The following DPYD variants were observed in gnomAD, a reference collection of about 807,000 sequenced individuals.
The protein encoded by DPYD is dihydropyrimidine dehydrogenase [NADP(+)].
Under a neutral mutation model 116.2 loss-of-function variants are expected in DPYD, and 109 were observed. The ratio of observed to expected loss-of-function variants is 0.94; its 90% CI spans 0.80 to 1.10. DPYD has a LOEUF of 1.10. DPYD is among the 50% of genes least tolerant of loss of function. The pLI, the probability that DPYD is intolerant of heterozygous loss-of-function variation, is 0.00. For missense variants in DPYD, 1,302 were observed against 1,254.5 expected, an observed-to-expected ratio of 1.04 and a Z score of -0.57; for synonymous variants, 440 against 432.0, an observed-to-expected ratio of 1.02 and a Z score of -0.23.
chr1:97,769,309 T>C (rs184008617), intron 3 of DPYD, among the ~76,000 whole-genome samples: 2 of 152,238 alleles, frequency 1.3e-5, no homozygotes, highest in African/African-American at 4.8e-5. Context: ...GGAAAAGTAA[T>C]AGTCAACAAG....
At chr1:97,822,094 T>C (rs933058554) in intron 3 of DPYD, among the ~76,000 whole-genome samples, 1 of 151,568 alleles carries the variant, frequency 6.6e-6, no homozygotes, top group East Asian at 1.9e-4. Flanking sequence ...AAATATAGAA[T>C]GGAAAAGCAT....
At chr1:97,286,799 G>A (rs548470327) in intron 18 of DPYD, among the ~76,000 whole-genome samples, 1 of 152,228 alleles carries the variant, frequency 6.6e-6, no homozygotes, top group South Asian at 2.1e-4. Flanking sequence ...CTCTGTATTG[G>A]TTATTCTAGT....
chr1:97,096,657 C>T (rs1291290958), intron 21 of DPYD, among the ~76,000 whole-genome samples: 1 of 152,184 alleles, frequency 6.6e-6, no homozygotes, highest in Admixed American at 6.5e-5. Context: ...CAAATCAGTG[C>T]TCTGTAAAAC....
At chr1:97,112,271 A>G (rs1189248104) in intron 20 of DPYD, among the ~76,000 whole-genome samples, 2 of 152,162 alleles carry the variant, frequency 1.3e-5, no homozygotes, top group East Asian at 1.9e-4. Flanking sequence ...AGGGAAGTCA[A>G]TGGATTAAGC....
intron 16 of DPYD, among the ~76,000 whole-genome samples, chr1:97,337,712 A>G (rs932461317): frequency 6.6e-6 from 1 of 151,902 alleles, no homozygotes; most frequent in Non-Finnish European, 1.5e-5. Context: ...AATGAAAGCA[A>G]TACAGATCTG....
At chr1:97,416,040 G>T (rs1674272299) in intron 14 of DPYD, among the ~76,000 whole-genome samples, 1 of 152,096 alleles carries the variant, frequency 6.6e-6, no homozygotes, top group African/African-American at 2.4e-5. Context: ...TAAAAAAGAT[G>T]AAGGAGATGA....
At chr1:97,546,999 T>G in intron 12 of DPYD, 2 of 1,562,506 alleles carry the variant, frequency 1.3e-6, no homozygotes, top group African/African-American at 2.7e-5. Flanking sequence ...TTTGCACATA[T>G]TTGCAATTTT....
chr1:97,176,138 T>C (rs67908389), intron 20 of DPYD, among the ~76,000 whole-genome samples: 4,288 of 152,250 alleles, frequency 0.028, 169 homozygotes, highest in African/African-American at 0.091. Context: ...ACTAGAAGAA[T>C]TTAATTAACC....
chr1:97,451,479 G>T (rs1175899445), intron 13 of DPYD, among the ~76,000 whole-genome samples: 1 of 152,064 alleles, frequency 6.6e-6, no homozygotes, highest in Non-Finnish European at 1.5e-5. Context: ...CCTTAAATAT[G>T]TACATTTTAA....
chr1:97,641,818 T>A (rs1043523084), intron 8 of DPYD, among the ~76,000 whole-genome samples: 3 of 152,178 alleles, frequency 2.0e-5, no homozygotes, highest in African/African-American at 7.2e-5. Context: ...TTGTCCCTGT[T>A]TGCAGATGAC....
chr1:97,599,349 G>A (rs1239421305), intron 8 of DPYD, among the ~76,000 whole-genome samples: 1 of 151,800 alleles, frequency 6.6e-6, no homozygotes, highest in Non-Finnish European at 1.5e-5. Context: ...CTCACATAAA[G>A]TTTTGCACAA....
chr1:97,579,012 C>T (rs1030073324), intron 10 of DPYD, among the ~76,000 whole-genome samples: 8 of 152,150 alleles, frequency 5.3e-5, no homozygotes, highest in African/African-American at 1.7e-4. Flanking sequence ...ATAGTAAACT[C>T]GTTCTCAACA....
intron 20 of DPYD, among the ~76,000 whole-genome samples, chr1:97,167,306 T>C (rs1206675703): frequency 6.6e-6 from 1 of 152,162 alleles, no homozygotes; most frequent in Non-Finnish European, 1.5e-5. Flanking sequence ...GGCATTAGAT[T>C]TAAAAATTAA....
intron 14 of DPYD, among the ~76,000 whole-genome samples, chr1:97,440,167 C>T (rs1012761856): frequency 4.0e-5 from 6 of 150,946 alleles, no homozygotes; most frequent in African/African-American, 1.5e-4. Context: ...CCCAACTACT[C>T]GGGAGGCTGA....
chr1:97,307,919 G>A (rs754609732), intron 16 of DPYD, among the ~76,000 whole-genome samples: 5 of 151,860 alleles, frequency 3.3e-5, no homozygotes, highest in Non-Finnish European at 5.9e-5. Context: ...TGAATTGCAT[G>A]TCCTTTGTGG....
chr1:97,273,022 G>T (rs76530406), intron 18 of DPYD, among the ~76,000 whole-genome samples: 6,155 of 152,066 alleles, frequency 0.04, 155 homozygotes, highest in Middle Eastern at 0.11. Flanking sequence ...GTTGCCTAAG[G>T]GAATCAGAAA....
intron 4 of DPYD, among the ~76,000 whole-genome samples, chr1:97,725,847 A>G: frequency 6.6e-6 from 1 of 151,548 alleles, no homozygotes; most frequent in East Asian, 1.9e-4. Context: ...ATAACTGCTA[A>G]TAAGTATGGA....
chr1:97,241,370 T>G (rs1435512040), intron 18 of DPYD, among the ~76,000 whole-genome samples: 2 of 152,012 alleles, frequency 1.3e-5, no homozygotes, highest in Non-Finnish European at 2.9e-5. Flanking sequence ...GTACACTGTG[T>G]ACTTTAACCC....
chr1:97,727,483 C>T (rs551302881), intron 4 of DPYD, among the ~76,000 whole-genome samples: 26 of 151,524 alleles, frequency 1.7e-4, no homozygotes, highest in African/African-American at 5.8e-4. Context: ...AAGAAACTAA[C>T]TAAGAAAAAT....
Sources: allele counts gnomAD v4.1 joint callset (sites outside exome capture counted in the v4.1 genomes callset), GRCh38; gene constraint gnomAD v4.1.1; transcripts MANE v1.5; gene names NCBI Gene and HGNC (gene_info 2026-07-23, HGNC 2026-07-21).